PLCL1: variants seen among roughly 807,000 people sequenced by gnomAD.
The protein encoded by PLCL1 is phospholipase C like 1 (inactive).
PLCL1 carries 41 observed loss-of-function variants against 84.4 expected under a neutral mutation model. That is an observed-to-expected ratio of 0.49 (90% confidence interval 0.38 to 0.63). The LOEUF (loss-of-function observed/expected upper bound fraction) is 0.63, where lower values mean the gene tolerates loss of function less well. Ranked by LOEUF, PLCL1 falls within the 30% of genes least tolerant of loss-of-function variation. The probability of loss-of-function intolerance (pLI) is 0.00; values close to 1 mark genes in which losing one functional copy is unlikely to be tolerated. For missense variants in PLCL1, 1,206 were observed against 1,367.8 expected (o/e 0.88, Z 1.87); for synonymous variants, 490 against 488.3 (o/e 1.00, Z -0.05).
At chr2:197,912,270 C>T (rs1464944219) in intron 1 of PLCL1, among the ~76,000 whole-genome samples, 1 of 151,798 alleles carries the variant, frequency 6.6e-6, no homozygotes, top group Admixed American at 6.6e-5. Flanking sequence ...GTTAGAATGG[C>T]AATCATTAAA....
intron 1 of PLCL1, among the ~76,000 whole-genome samples, chr2:197,821,695 C>T (rs1193062843): frequency 6.6e-6 from 1 of 152,146 alleles, no homozygotes; most frequent in Non-Finnish European, 1.5e-5. Flanking sequence ...TCATATCCCA[C>T]TGGCCCATTG....
intron 1 of PLCL1, among the ~76,000 whole-genome samples, chr2:197,963,940 T>C (rs1239168928): frequency 1.3e-5 from 2 of 152,130 alleles, no homozygotes; most frequent in African/African-American, 4.8e-5. Context: ...TTCTGTTCCA[T>C]TAGTCTATGT....
At chr2:197,890,820 T>C (rs1241559988) in intron 1 of PLCL1, among the ~76,000 whole-genome samples, 1 of 30,176 alleles carries the variant, frequency 3.3e-5, no homozygotes, top group Non-Finnish European at 6.3e-5. Context: ...TATGTGTATA[T>C]ATACATATAT....
chr2:197,985,068 T>A (rs999477983), intron 1 of PLCL1, among the ~76,000 whole-genome samples: 2 of 152,138 alleles, frequency 1.3e-5, no homozygotes, highest in African/African-American at 4.8e-5. Context: ...AGCACAGCAA[T>A]TTTTTGAGGC....
chr2:197,815,184 C>T (rs369812128), intron 1 of PLCL1, among the ~76,000 whole-genome samples: 14 of 152,280 alleles, frequency 9.2e-5, no homozygotes, highest in African/African-American at 3.4e-4. Flanking sequence ...AACTCTCTTG[C>T]CTGGGGTAAT....
At chr2:197,902,946 A>T (rs966828612) in intron 1 of PLCL1, among the ~76,000 whole-genome samples, 1 of 152,184 alleles carries the variant, frequency 6.6e-6, no homozygotes, top group Non-Finnish European at 1.5e-5. Flanking sequence ...CACTGTACAA[A>T]ATATATGTTT....
chr2:197,867,440 C>T (rs1188470008), intron 1 of PLCL1, among the ~76,000 whole-genome samples: 1 of 151,598 alleles, frequency 6.6e-6, no homozygotes, highest in East Asian at 1.9e-4. Flanking sequence ...CATTATGGAG[C>T]ATTGTCAAAT....
intron 5 of PLCL1, 32 bp from the exon 6 acceptor site, chr2:198,146,748 C>T (rs1694526207): frequency 3.8e-6 from 6 of 1,587,672 alleles, no homozygotes; most frequent in Non-Finnish European, 5.2e-6. Flanking sequence ...CCATAACTGT[C>T]TTCTTTGATG....
chr2:197,995,573 C>T (rs951122063), intron 1 of PLCL1, among the ~76,000 whole-genome samples: 2 of 152,116 alleles, frequency 1.3e-5, no homozygotes, highest in Middle Eastern at 6.8e-3. Context: ...GTTCCATAAT[C>T]AAGGAGAAGA....
intron 1 of PLCL1, among the ~76,000 whole-genome samples, chr2:198,065,025 T>A (rs982457264): frequency 6.6e-6 from 1 of 152,116 alleles, no homozygotes; most frequent in Non-Finnish European, 1.5e-5. Flanking sequence ...ACATAGACTA[T>A]GCAAATACAC....
intron 1 of PLCL1, among the ~76,000 whole-genome samples, chr2:197,858,100 T>C (rs1244978692): frequency 6.6e-6 from 1 of 152,168 alleles, no homozygotes; most frequent in African/African-American, 2.4e-5. Context: ...AGAGGTGTTT[T>C]CAATTGATAT....
intron 1 of PLCL1, among the ~76,000 whole-genome samples, chr2:197,947,760 A>G (rs1018790200): frequency 3.3e-5 from 5 of 152,158 alleles, no homozygotes; most frequent in Admixed American, 6.6e-5. Context: ...ACCTCCAACC[A>G]TACTGGAGCC....
chr2:198,134,759 GC>G (rs1694213089), intron 5 of PLCL1, among the ~76,000 whole-genome samples: 1 of 152,166 alleles, frequency 6.6e-6, no homozygotes, highest in Non-Finnish European at 1.5e-5. Flanking sequence ...GGTGAATTGT[GC>G]CCTTGGAATT....
intron 1 of PLCL1, among the ~76,000 whole-genome samples, chr2:197,917,224 T>C (rs1688615094): frequency 6.6e-6 from 1 of 152,244 alleles, no homozygotes; most frequent in Admixed American, 6.5e-5. Flanking sequence ...GCTTTATTAA[T>C]AATTTCTGAA....
chr2:198,145,433 AGTCCCAGCTCAGCGATTAACCAGCTGT>A (rs981610729), intron 5 of PLCL1, among the ~76,000 whole-genome samples: 2 of 152,196 alleles, frequency 1.3e-5, no homozygotes, highest in African/African-American at 4.8e-5. Context: ...CCTGAACTTT[AGTCCCAGCTCAGCGATTAACCAGCTGT>A]GACCTTGGGA....
intron 1 of PLCL1, among the ~76,000 whole-genome samples, chr2:197,987,255 G>A (rs75139115): frequency 0.017 from 2,611 of 152,070 alleles, 76 homozygotes; most frequent in African/African-American, 0.059. Context: ...CTATAATATC[G>A]GCCTGTACAT....
At chr2:198,146,676 G>C (rs1694524044) in intron 5 of PLCL1, 104 bp from the exon 6 acceptor site, 2 of 918,916 alleles carry the variant, frequency 2.2e-6, no homozygotes, top group Non-Finnish European at 3.2e-6. Flanking sequence ...GTCTGGGTCT[G>C]TTTCCTTATT....
chr2:197,821,573 T>C (rs1690816684), intron 1 of PLCL1, among the ~76,000 whole-genome samples: 1 of 152,126 alleles, frequency 6.6e-6, no homozygotes, highest in Non-Finnish European at 1.5e-5. Flanking sequence ...TTGATGAAAA[T>C]GGCCTATCAC....
chr2:197,991,196 C>T (rs1420633603), intron 1 of PLCL1, among the ~76,000 whole-genome samples: 4 of 152,130 alleles, frequency 2.6e-5, no homozygotes, highest in Non-Finnish European at 4.4e-5. Context: ...CCTTTCGCTT[C>T]GTGCCTTCTT....
Sources: allele counts gnomAD v4.1 joint callset (sites outside exome capture counted in the v4.1 genomes callset), GRCh38; gene constraint gnomAD v4.1.1; transcripts MANE v1.5; gene names NCBI Gene and HGNC (gene_info 2026-07-23, HGNC 2026-07-21).